Variants in GMDS observed in about 807,000 individuals in gnomAD.
GMDS encodes GDP-mannose 4,6-dehydratase, also known as GDP-mannose 4,6 dehydratase.
GMDS carries 20 observed loss-of-function variants against 49.9 expected under a neutral mutation model. The observed-to-expected ratio is 0.40, with a 90% confidence interval of 0.28 to 0.58. The LOEUF (loss-of-function observed/expected upper bound fraction) is 0.58. Ranked by LOEUF, GMDS falls within the 20% of genes least tolerant of loss-of-function variation. The pLI is 0.42. For missense variants in GMDS, 362 were observed against 481.4 expected (o/e 0.75, Z 2.32); for synonymous variants, 177 against 178.6 (o/e 0.99, Z 0.07).
chr6:1,692,003 C>A (rs774880355), intron 9 of GMDS, among the ~76,000 whole-genome samples: 1 of 152,110 alleles, frequency 6.6e-6, no homozygotes, highest in African/African-American at 2.4e-5. Context: ...GAGAAGCAGA[C>A]CCACCCTCAG....
At chr6:2,197,384 A>T (rs1311024911) in intron 1 of GMDS, among the ~76,000 whole-genome samples, 1 of 152,144 alleles carries the variant, frequency 6.6e-6, no homozygotes, top group Non-Finnish European at 1.5e-5. Context: ...TAGTTTCCTG[A>T]GGAAGGTAGA....
intron 7 of GMDS, among the ~76,000 whole-genome samples, chr6:1,884,647 T>C (rs1398258910): frequency 2.6e-5 from 4 of 152,240 alleles, no homozygotes; most frequent in African/African-American, 9.6e-5. Context: ...TTCACATTAG[T>C]GTCATGCTCA....
At chr6:2,207,774 C>T (rs9503122) in intron 1 of GMDS, among the ~76,000 whole-genome samples, 3,161 of 151,924 alleles carry the variant, frequency 0.021, 199 homozygotes, top group African/African-American at 0.071. Flanking sequence ...AAATTACAGT[C>T]CTGCCCATTT....
At chr6:1,987,436 A>T (rs1765622161) in intron 4 of GMDS, among the ~76,000 whole-genome samples, 1 of 152,144 alleles carries the variant, frequency 6.6e-6, no homozygotes, top group South Asian at 2.1e-4. Context: ...GTATTTGCAA[A>T]ACTATCACTT....
chr6:1,709,058 C>A (rs1045847464), intron 9 of GMDS, among the ~76,000 whole-genome samples: 1 of 152,220 alleles, frequency 6.6e-6, no homozygotes, highest in African/African-American at 2.4e-5. Flanking sequence ...ACTGACTCAG[C>A]TCCACAGGTA....
At chr6:2,240,245 G>A (rs1227669468) in intron 1 of GMDS, among the ~76,000 whole-genome samples, 4 of 152,114 alleles carry the variant, frequency 2.6e-5, no homozygotes, top group Non-Finnish European at 5.9e-5. Context: ...GCAAAGCAAG[G>A]CTAAATAGTA....
intron 9 of GMDS, among the ~76,000 whole-genome samples, chr6:1,625,901 C>T (rs150024930): frequency 3.0e-3 from 455 of 152,364 alleles, no homozygotes; most frequent in African/African-American, 0.01. Flanking sequence ...GTGAGAAATA[C>T]TCGATCATTC....
At chr6:1,727,302 C>G (rs1394193494) in intron 8 of GMDS, among the ~76,000 whole-genome samples, 2 of 152,186 alleles carry the variant, frequency 1.3e-5, no homozygotes, top group African/African-American at 4.8e-5. Flanking sequence ...AGATTACCTT[C>G]TCGCTAAAAT....
At chr6:2,147,396 C>T (rs1433851760) in intron 1 of GMDS, among the ~76,000 whole-genome samples, 6 of 152,102 alleles carry the variant, frequency 3.9e-5, no homozygotes, top group Non-Finnish European at 8.8e-5. Context: ...TTCAGCAGTA[C>T]GTGACATTGG....
At chr6:1,751,465 G>C (rs1314675442) in intron 7 of GMDS, among the ~76,000 whole-genome samples, 1 of 152,220 alleles carries the variant, frequency 6.6e-6, no homozygotes, top group African/African-American at 2.4e-5. Flanking sequence ...AACTCCAGCA[G>C]ACCTGCAGCA....
intron 6 of GMDS, chr6:1,949,028 T>C: frequency 3.1e-6 from 3 of 959,666 alleles, no homozygotes; most frequent in Non-Finnish European, 3.7e-6. Flanking sequence ...GCAATCCCAC[T>C]AACAGAGCTG....
Position 2,231,791 on chromosome 6 carries a change from G to A in GMDS, c.102+13530C>T, listed in dbSNP as rs942753866. Among the ~76,000 whole-genome samples, 4 of 152,212 alleles carry A rather than the reference G, an allele frequency of 2.6e-5. No individual in the cohort carries two copies. The East Asian group carries it at 7.7e-4, about 29-fold the overall frequency. ...CTAGATCATTTATATATGAGATAACGTGTGTCCTACCTTGGAGTCAAGAAA... is the reference window on the plus strand; with the variant it reads ...CTAGATCATTTATATATGAGATAACATGTGTCCTACCTTGGAGTCAAGAAA... On this transcript the variant is annotated intron_variant, in intron 1 of 10. Transcript: ENST00000380815.
intron 2 of GMDS, among the ~76,000 whole-genome samples, chr6:2,120,664 G>C (rs1413054944): frequency 1.3e-5 from 2 of 152,042 alleles, no homozygotes; most frequent in Non-Finnish European, 2.9e-5. Flanking sequence ...TCTGTACTTA[G>C]TGCAAAATGG....
chr6:1,647,654 C>A (rs969803411), intron 9 of GMDS, among the ~76,000 whole-genome samples: 5 of 152,152 alleles, frequency 3.3e-5, no homozygotes, highest in Non-Finnish European at 7.4e-5. Context: ...TGACTTAGTT[C>A]CTGGGCACAG....
At chr6:2,095,125 A>C (rs1581642307) in intron 4 of GMDS, among the ~76,000 whole-genome samples, 1 of 152,174 alleles carries the variant, frequency 6.6e-6, no homozygotes, top group East Asian at 1.9e-4. Flanking sequence ...TATTATCCCC[A>C]AAATCAGGTG....
intron 9 of GMDS, among the ~76,000 whole-genome samples, chr6:1,698,214 T>C (rs1017340236): frequency 1.3e-5 from 2 of 152,054 alleles, no homozygotes; most frequent in Non-Finnish European, 2.9e-5. Context: ...TTGGTGAATG[T>C]ATACTTTAGC....
chr6:1,959,956 T>C lies in GMDS; in HGVS notation c.554A>G (p.Tyr185Cys). Residue 185 changes from tyrosine (Y) to cysteine (C), a missense_variant, in exon 6 of 11, where the codon TAT becomes TGT. Tyr to Cys is a radical substitution (Grantham distance 194). Coordinates refer to ENST00000380815, the MANE Select transcript of GMDS (RefSeq NM_001500.4). ...GAAGTTCACCACAATCCAATAGGCA[T>C]AGAGTTTTGCTGCCCCTGTTGGAAT... ...PRSPYGAAKL[Y>C]AYWIVVNFRE... 6.2e-7 allele frequency: 1 copy of C among 1,601,062 alleles called. No individual in the cohort carries two copies. Among genetic ancestry groups the C allele is most frequent in the East Asian group, 2.3e-5 (1 of 44,400 alleles).
At chr6:2,023,958 A>G (rs1413853238) in intron 4 of GMDS, among the ~76,000 whole-genome samples, 1 of 152,194 alleles carries the variant, frequency 6.6e-6, no homozygotes, top group African/African-American at 2.4e-5. Flanking sequence ...AAAGAAAACC[A>G]CAAATTCTCA....
chr6:2,184,488 G>A (rs758984022), intron 1 of GMDS, among the ~76,000 whole-genome samples: 2 of 151,978 alleles, frequency 1.3e-5, no homozygotes, highest in Non-Finnish European at 2.9e-5. Flanking sequence ...CTACTTTGAG[G>A]TCTTTGCACT....
Sources: allele counts gnomAD v4.1 joint callset (sites outside exome capture counted in the v4.1 genomes callset), GRCh38; gene constraint gnomAD v4.1.1; transcripts MANE v1.5; gene names NCBI Gene and HGNC (gene_info 2026-07-23, HGNC 2026-07-21).